The following HBS1L variants were observed in gnomAD, a reference collection of about 807,000 sequenced individuals.
HBS1L encodes HBS1 like translational GTPase.
Under a neutral mutation model 88.9 loss-of-function variants are expected in HBS1L, and 55 were observed. The ratio of observed to expected loss-of-function variants is 0.62; its 90% CI spans 0.50 to 0.77. The LOEUF (loss-of-function observed/expected upper bound fraction) is 0.77, where lower values mean the gene tolerates loss of function less well. Among genes scored for constraint, HBS1L ranks in the 30% least tolerant of loss-of-function variants. The pLI, the probability that HBS1L is intolerant of heterozygous loss-of-function variation, is 0.00. For synonymous variants in HBS1L, 267 were observed against 288.5 expected (o/e 0.93, Z 0.76); for missense variants, 741 against 829.3 (o/e 0.89, Z 1.31).
At chr6:135,030,536 G>C (rs538402175) in intron 4 of HBS1L, among the ~76,000 whole-genome samples, 1 of 152,246 alleles carries the variant, frequency 6.6e-6, no homozygotes, top group South Asian at 2.1e-4. Flanking sequence ...GATTTAGATA[G>C]GGAGACAGAA....
At chr6:134,968,155 T>C (rs1365532139) in intron 16 of HBS1L, among the ~76,000 whole-genome samples, 1 of 151,924 alleles carries the variant, frequency 6.6e-6, no homozygotes. Flanking sequence ...TTTGGGATGT[T>C]ATTGGAAAAG....
chr6:134,978,598 T>C, intron 15 of HBS1L, 81 bp downstream of exon 15: 1 of 715,468 alleles, frequency 1.4e-6, no homozygotes, highest in Non-Finnish European at 2.4e-6. Flanking sequence ...GTATCACCAC[T>C]TGTAAAGAAA....
intron 16 of HBS1L, among the ~76,000 whole-genome samples, chr6:134,968,681 A>G (rs951510088): frequency 1.3e-5 from 2 of 152,010 alleles, no homozygotes; most frequent in Non-Finnish European, 2.9e-5. Flanking sequence ...CTAAGCCTGG[A>G]CATTAATGCT....
At chr6:135,030,252 G>T (rs1776346133) in intron 4 of HBS1L, among the ~76,000 whole-genome samples, 1 of 152,204 alleles carries the variant, frequency 6.6e-6, no homozygotes, top group Non-Finnish European at 1.5e-5. Context: ...GAAAGTCTAT[G>T]TATGTGTGGG....
At chr6:135,007,822 T>C (rs145245283) in intron 4 of HBS1L, among the ~76,000 whole-genome samples, 178 of 152,282 alleles carry the variant, frequency 1.2e-3, no homozygotes, top group Non-Finnish European at 2.1e-3. Flanking sequence ...CCCAAGAAAT[T>C]GAACACTAAA....
At chr6:135,014,950 G>A (rs139720490) in intron 4 of HBS1L, among the ~76,000 whole-genome samples, 1 of 151,914 alleles carries the variant, frequency 6.6e-6, no homozygotes, top group African/African-American at 2.4e-5. Flanking sequence ...AAGATGGATT[G>A]CTTGAGCCCG....
chr6:134,975,115 A>G (rs574168857), intron 15 of HBS1L, among the ~76,000 whole-genome samples: 2 of 152,320 alleles, frequency 1.3e-5, no homozygotes, highest in South Asian at 4.1e-4. Context: ...ACAACGATCA[A>G]GCTGAGAATC....
chr6:135,039,924 C>T lies in HBS1L; in HGVS notation c.236-157G>A, dbSNP rs551335640. ...TCTCTAATGATCGTATTTTTATCTA[C>T]AATATACCTATCTTCCCTTATCCAA... On this transcript the variant is annotated intron_variant, in intron 3 of 17. Coordinates refer to ENST00000367837, the MANE Select transcript of HBS1L (RefSeq NM_006620.4). Among the ~76,000 whole-genome samples the T allele has an allele frequency of 1.4e-4, 22 of 152,310 alleles. No homozygotes were observed. In the South Asian group the frequency reaches 4.4e-3, roughly 30 times the overall value.
chr6:135,010,471 T>G (rs1775744707), intron 4 of HBS1L, among the ~76,000 whole-genome samples: 1 of 152,236 alleles, frequency 6.6e-6, no homozygotes, highest in African/African-American at 2.4e-5. Flanking sequence ...ATATGTTTAC[T>G]GATAATTTTT....
intron 15 of HBS1L, among the ~76,000 whole-genome samples, chr6:134,973,794 C>T (rs1469293239): frequency 6.6e-6 from 1 of 151,716 alleles, no homozygotes; most frequent in Non-Finnish European, 1.5e-5. Context: ...CAAGATTGTG[C>T]CACTGCACTC....
chr6:135,044,830 G>A (rs1204522627), intron 2 of HBS1L, among the ~76,000 whole-genome samples: 1 of 152,128 alleles, frequency 6.6e-6, no homozygotes, highest in Non-Finnish European at 1.5e-5. Context: ...AAAACTAAGT[G>A]AGGCATGAAA....
At chr6:135,036,500 G>A (rs2114893482) in intron 4 of HBS1L, 1 of 1,401,492 alleles carries the variant, frequency 7.1e-7, no homozygotes, top group Non-Finnish European at 9.3e-7. Flanking sequence ...GTGATCCTCT[G>A]AAGACTTTAA....
At chr6:134,970,014 T>C (rs529164131) in intron 15 of HBS1L, among the ~76,000 whole-genome samples, 4 of 152,332 alleles carry the variant, frequency 2.6e-5, no homozygotes, top group East Asian at 3.9e-4. Flanking sequence ...GGTACAAACA[T>C]TGTATGATAT....
intron 8 of HBS1L, among the ~76,000 whole-genome samples, chr6:134,988,886 A>C (rs1775054718): frequency 6.6e-6 from 1 of 152,232 alleles, no homozygotes; most frequent in African/African-American, 2.4e-5. Flanking sequence ...ATGAAGAAAA[A>C]CAGCAAATAT....
intron 4 of HBS1L, among the ~76,000 whole-genome samples, chr6:135,025,402 C>A (rs1412358951): frequency 6.6e-6 from 1 of 152,126 alleles, no homozygotes; most frequent in Non-Finnish European, 1.5e-5. Flanking sequence ...ACAGTGAAGG[C>A]TAAGGAAGAA....
Position 134,986,106 on chromosome 6 carries a change from G to A in HBS1L, c.1383C>T (p.Leu461=). The A allele has an allele frequency of 6.3e-7, 1 of 1,593,452 alleles. No homozygotes were observed. The highest frequency in any genetic ancestry group is 1.1e-5 in the South Asian group (1 of 90,312). ...NLITRSQSSE[L]TKWYKGLCLL... Reference sequence around the variant, plus strand: ...AACATAGTCCTTTATACCATTTTGTGAGTTCACTTGACTGAGATCTTGTGA... The same window carrying A: ...AACATAGTCCTTTATACCATTTTGTAAGTTCACTTGACTGAGATCTTGTGA... The change falls in exon 11 of 18, where the codon CTC becomes CTT. Residue 461 remains leucine, a synonymous_variant. Coordinates refer to ENST00000367837, the MANE Select transcript of HBS1L (RefSeq NM_006620.4).
chr6:134,983,443 GA>G (rs1280549190), intron 12 of HBS1L: 1 of 151,636 alleles, frequency 6.6e-6, no homozygotes, highest in African/African-American at 2.4e-5. Flanking sequence ...GAGTGGTAAG[GA>G]AAGTGAAGAC....
chr6:135,021,401 T>G (rs1445305789), intron 4 of HBS1L, among the ~76,000 whole-genome samples: 2 of 152,090 alleles, frequency 1.3e-5, no homozygotes, highest in Non-Finnish European at 2.9e-5. Flanking sequence ...ATACAGTATT[T>G]TAAATCAAAC....
intron 4 of HBS1L, among the ~76,000 whole-genome samples, chr6:135,028,967 AAAT>A (rs1338644503): frequency 6.6e-6 from 1 of 152,058 alleles, no homozygotes; most frequent in East Asian, 1.9e-4. Context: ...GGAGTGAAAA[AAAT>A]AAGACAGCCT....
Sources: gnomAD v4.1 joint callset for allele counts (sites outside exome capture counted in the v4.1 genomes callset) on GRCh38, gnomAD v4.1.1 for gene constraint, MANE v1.5 for transcripts, NCBI Gene and HGNC (gene_info 2026-07-23, HGNC 2026-07-21) for gene names.